Variants in ACOT7 observed in about 807,000 individuals in gnomAD.
ACOT7 encodes acyl-CoA thioesterase 7.
Under a neutral mutation model 40.2 loss-of-function variants are expected in ACOT7, and 12 were observed. The ratio of observed to expected loss-of-function variants is 0.30; its 90% CI spans 0.19 to 0.48. The LOEUF (loss-of-function observed/expected upper bound fraction) is 0.48, where lower values mean the gene tolerates loss of function less well. Ranked by LOEUF, ACOT7 falls within the 20% of genes least tolerant of loss-of-function variation. The pLI, the probability that ACOT7 is intolerant of heterozygous loss-of-function variation, is 0.99. For synonymous variants in ACOT7, 228 were observed against 219.5 expected (o/e 1.04, Z -0.34); for missense variants, 395 against 530.8 (o/e 0.74, Z 2.51).
At position 6,275,698 on chromosome 1, in the gene ACOT7, C is replaced by CA. The variant is rs1355958869; in HGVS notation, c.1014+5403dup. The stretch of plus-strand genomic sequence containing the variant: ...AGCCATTGCACTCCAGGTTGGGCGA[C>CA]AGAGTGAGGCTCCGTCTCAAAAAAA... On this transcript the variant is annotated intron_variant, in intron 8 of 8. Coordinates refer to ENST00000361521, the MANE Select transcript of ACOT7 (RefSeq NM_007274.4). The surrounding 1 kb of genome is among the most constrained non-coding windows in gnomAD (Gnocchi z 5.6). Among the ~76,000 whole-genome samples, 1 of 121,246 alleles carries CA rather than the reference C, an allele frequency of 8.2e-6. No individual in the cohort carries two copies. Among genetic ancestry groups the CA allele is most frequent in the Non-Finnish European group, 1.6e-5 (1 of 62,898 alleles). The allele number at this position is 121,246 out of a possible 152,430, so 79.5% of individuals were successfully genotyped here.
Position 6,339,912 on chromosome 1 carries a change from G to A in ACOT7, c.262-323C>T, listed in dbSNP as rs559943173. On this transcript the variant is annotated intron_variant, in intron 2 of 8. Coordinates refer to ENST00000361521, the MANE Select transcript of ACOT7 (RefSeq NM_007274.4). ...CCGCTGGGACTACAGCGGGCCTTCC[G>A]AGTAGCTGGGACTACAGCCACCACG... Among the ~76,000 whole-genome samples the A allele has an allele frequency of 6.5e-5, 9 of 139,214 alleles. No homozygotes were observed. The South Asian group carries it at 1.3e-3, about 21-fold the overall frequency. The allele number at this position is 139,214 out of a possible 152,430, so 91.3% of individuals were successfully genotyped here.
intron 8 of ACOT7, among the ~76,000 whole-genome samples, chr1:6,271,693 C>A (rs943168938): frequency 7.9e-5 from 12 of 152,234 alleles, no homozygotes; most frequent in African/African-American, 2.9e-4. Flanking sequence ...TCCACACCCA[C>A]CCAGGACTGC....
chr1:6,356,581 C>T (rs917226879), intron 1 of ACOT7, among the ~76,000 whole-genome samples: 2 of 152,176 alleles, frequency 1.3e-5, no homozygotes, highest in Non-Finnish European at 2.9e-5. Context: ...GCCCAGCACA[C>T]GACCAGCTGG....
intron 1 of ACOT7, among the ~76,000 whole-genome samples, chr1:6,380,824 A>G (rs1254583249): frequency 6.6e-6 from 1 of 151,878 alleles, no homozygotes; most frequent in African/African-American, 2.4e-5. Flanking sequence ...GGATTTGGTG[A>G]TGATTTCTTG....
At position 6,393,630 on chromosome 1, in the gene ACOT7, C is replaced by T; in HGVS notation, c.-231G>A. On this transcript the variant is annotated 5_prime_UTR_variant, in exon 1 of 9. Coordinates refer to ENST00000361521, the MANE Select transcript of ACOT7 (RefSeq NM_007274.4). Reference sequence around the variant, plus strand: ...AAGGTTCGGTGGCGGTTGGGCCGCGCCGGTGCGGGGAAGGCCCGCTAGCCG... The same window carrying T: ...AAGGTTCGGTGGCGGTTGGGCCGCGTCGGTGCGGGGAAGGCCCGCTAGCCG... 1 of 312,674 alleles carries T rather than the reference C, an allele frequency of 3.2e-6. No individual in the cohort carries two copies. Among genetic ancestry groups the T allele is most frequent in the Non-Finnish European group, 5.6e-6 (1 of 177,752 alleles). 19.4% of individuals were successfully genotyped at this position (312,674 alleles called of 1,614,324 possible).
intron 1 of ACOT7, among the ~76,000 whole-genome samples, chr1:6,384,589 G>T (rs1642404845): frequency 6.6e-6 from 1 of 151,892 alleles, no homozygotes; most frequent in African/African-American, 2.4e-5. Flanking sequence ...GACACTAGGT[G>T]GGTGTCCTAC....
At position 6,359,122 on chromosome 1, in the gene ACOT7, C is replaced by T. The variant is rs1641829801; in HGVS notation, c.144-9256G>A. Reference sequence around the variant, plus strand: ...CTGTGAGCTCTTCTGGCTGCCATGCCAGGAGATCAGGAAGGCAGAGGGGCC... The same window carrying T: ...CTGTGAGCTCTTCTGGCTGCCATGCTAGGAGATCAGGAAGGCAGAGGGGCC... On this transcript the variant is annotated intron_variant, in intron 1 of 8. Transcript: ENST00000361521. This position sits in a 1 kb window ranked among gnomAD's most constrained non-coding sequence, Gnocchi z 4.1. The T allele has an allele frequency of 2.9e-6, 1 of 339,710 alleles. No individual in the cohort carries two copies. The highest frequency in any genetic ancestry group is 2.2e-5 in the African/African-American group (1 of 46,308). The allele number at this position is 339,710 out of a possible 1,614,324, so 21.0% of individuals were successfully genotyped here.
At chr1:6,374,466 C>T (rs1642189345) in intron 1 of ACOT7, among the ~76,000 whole-genome samples, 1 of 152,226 alleles carries the variant, frequency 6.6e-6, no homozygotes, top group African/African-American at 2.4e-5. Flanking sequence ...AACACACAGG[C>T]TTGGGGCCTG....
Position 6,311,327 on chromosome 1 carries a change from G to A in ACOT7, c.712+7165C>T, listed in dbSNP as rs948900152. Among the ~76,000 whole-genome samples the A allele has an allele frequency of 2.0e-5, 3 of 152,232 alleles. No individual in the cohort carries two copies. The highest frequency in any genetic ancestry group is 7.2e-5 in the African/African-American group (3 of 41,460). ...CTCACGCTCTAAAGACCCTGATACA[G>A]GAACCGGAGAAGCAACCAGAACAAC... On this transcript the variant is annotated intron_variant, in intron 6 of 8. Coordinates refer to ENST00000361521, the MANE Select transcript of ACOT7 (RefSeq NM_007274.4). The surrounding 1 kb of genome is among the most constrained non-coding windows in gnomAD (Gnocchi z 5.2).
At chr1:6,390,736 G>C (rs1005066894) in intron 1 of ACOT7, among the ~76,000 whole-genome samples, 2 of 151,656 alleles carry the variant, frequency 1.3e-5, no homozygotes, top group African/African-American at 4.9e-5. Context: ...AGGAGTTCAA[G>C]ACCAGCCTGG....
Position 6,362,579 on chromosome 1 carries a change from C to T in ACOT7, c.144-12713G>A, listed in dbSNP as rs74362068. On this transcript the variant is annotated intron_variant, in intron 1 of 8. Coordinates refer to ENST00000361521, the MANE Select transcript of ACOT7 (RefSeq NM_007274.4). ...CAAAAGCACACTGAGCCCAGCTCAT[C>T]AGAGGGCACTCGGAAGAGAGAATTC... Among the ~76,000 whole-genome samples the T allele has an allele frequency of 9.0e-3, 1,374 of 152,244 alleles. 30 individuals carry two copies. The highest frequency in any genetic ancestry group is 0.031 in the African/African-American group (1,281 of 41,536).
intron 1 of ACOT7, among the ~76,000 whole-genome samples, chr1:6,363,488 C>T (rs1266899779): frequency 6.6e-6 from 1 of 152,182 alleles, no homozygotes; most frequent in African/African-American, 2.4e-5. Flanking sequence ...AGTGGTCACG[C>T]TCCTAGTCCA....
At chr1:6,363,540 T>A (rs1641936433) in intron 1 of ACOT7, among the ~76,000 whole-genome samples, 1 of 152,144 alleles carries the variant, frequency 6.6e-6, no homozygotes, top group Non-Finnish European at 1.5e-5. Context: ...GCCTTTTAGA[T>A]AACAGTAGCA....
chr1:6,324,312 TCTGAGGAA>T (rs1428268898), intron 5 of ACOT7, among the ~76,000 whole-genome samples: 1 of 152,090 alleles, frequency 6.6e-6, no homozygotes. Context: ...AATCCAATCA[TCTGAGGAA>T]GATACATTTT....
At position 6,328,600 on chromosome 1, in the gene ACOT7, T is replaced by C. The variant is rs12353967; in HGVS notation, c.511-1187A>G. Among the ~76,000 whole-genome samples, 615 of 152,240 alleles carry C rather than the reference T, an allele frequency of 4.0e-3. 6 individuals carry two copies. The highest frequency in any genetic ancestry group is 0.014 in the African/African-American group (593 of 41,538). On this transcript the variant is annotated intron_variant, in intron 4 of 8. Coordinates refer to ENST00000361521, the MANE Select transcript of ACOT7 (RefSeq NM_007274.4). ...GGGAGGCTGAGGCAAGGGAATCGCTTGAATCCGGGAGATGGAGGTTGCAGT... is the reference window on the plus strand; with the variant it reads ...GGGAGGCTGAGGCAAGGGAATCGCTCGAATCCGGGAGATGGAGGTTGCAGT...
At chr1:6,269,920 C>T (rs1638978316) in intron 8 of ACOT7, among the ~76,000 whole-genome samples, 2 of 152,236 alleles carry the variant, frequency 1.3e-5, no homozygotes, top group Non-Finnish European at 2.9e-5. Flanking sequence ...CCTGAGTGCC[C>T]AGGGGCGCCC....
intron 8 of ACOT7, among the ~76,000 whole-genome samples, chr1:6,272,002 A>T (rs1639050342): frequency 6.6e-6 from 1 of 152,282 alleles, no homozygotes; most frequent in Admixed American, 6.5e-5. Context: ...CTCGGCTCAC[A>T]GCTCTTGTGC....
Position 6,306,222 on chromosome 1 carries a change from G to A in ACOT7, c.713-11242C>T. 3 of 977,328 alleles carry A rather than the reference G, an allele frequency of 3.1e-6. No homozygotes were observed. Among genetic ancestry groups the A allele is most frequent in the Non-Finnish European group, 3.6e-6 (3 of 824,864 alleles). The allele number at this position is 977,328 out of a possible 1,614,324, so 60.5% of individuals were successfully genotyped here. A position where few individuals can be genotyped will look rare whatever the true frequency, so the allele number is the denominator to read the frequency against. ...GACCGTGGGGAGAGGGGGAGGGGGA[G>A]GGGGAGAGGGAGAGGACGTTCTTAC... On this transcript the variant is annotated intron_variant, in intron 6 of 8. Coordinates refer to ENST00000361521, the MANE Select transcript of ACOT7 (RefSeq NM_007274.4). This position sits in a 1 kb window ranked among gnomAD's most constrained non-coding sequence, Gnocchi z 4.3.
intron 1 of ACOT7, among the ~76,000 whole-genome samples, chr1:6,390,851 G>A (rs1220994425): frequency 2.7e-5 from 4 of 150,768 alleles, no homozygotes; most frequent in African/African-American, 9.8e-5. Context: ...TGGAAGAATC[G>A]CTTGAACCCA....
Sources: gnomAD v4.1 joint callset for allele counts (sites outside exome capture counted in the v4.1 genomes callset) on GRCh38, gnomAD v4.1.1 for gene constraint, Gnocchi (gnomAD v3.1) non-coding constraint, MANE v1.5 for transcripts, NCBI Gene and HGNC (gene_info 2026-07-23, HGNC 2026-07-21) for gene names.